Variants in PGD observed in about 807,000 individuals in gnomAD.
The protein encoded by PGD is phosphogluconate dehydrogenase.
Under a neutral mutation model 60.4 loss-of-function variants are expected in PGD, and 21 were observed. The observed-to-expected ratio is 0.35, with a 90% CI of 0.25 to 0.50. The LOEUF (loss-of-function observed/expected upper bound fraction) is 0.50. PGD is among the 20% of genes least tolerant of loss of function. The pLI is 0.98. For synonymous variants in PGD, 230 were observed against 235.9 expected (o/e 0.97, Z 0.23); for missense variants, 477 against 613.1 (o/e 0.78, Z 2.34).
In PGD at chr1:10,417,074, A is replaced by G. The variant is rs761780325; in HGVS notation, c.932A>G (p.Gln311Arg). 2.5e-6 allele frequency: 4 copies of G among 1,613,834 alleles called. No homozygotes were observed. The change falls in exon 9 of 13, where the codon CAG becomes CGG. Residue 311 changes from glutamine to arginine, a missense_variant. Physicochemically the swap from Gln to Arg is conservative, Grantham distance 43. Coordinates refer to ENST00000270776, the MANE Select transcript of PGD (RefSeq NM_002631.4). Reference protein sequence around the residue: ...SKKLKGPQKFQFDGDKKSFLE... With the variant: ...SKKLKGPQKFRFDGDKKSFLE... The stretch of plus-strand genomic sequence containing the variant: ...AAGCTGAAGGGTCCCCAGAAGTTCC[A>G]GTTTGATGGTGATAAGAAATCATTC...
At chr1:10,412,976 A>G (rs1051932988) in intron 7 of PGD, 86 bp from the exon 8 acceptor site, 22 of 1,152,150 alleles carry the variant, frequency 1.9e-5, no homozygotes, top group Non-Finnish European at 2.7e-5. Context: ...AACCGTGAGC[A>G]TTGGTCAGCG....
intron 4 of PGD, 95 bp downstream of exon 4, chr1:10,403,231 G>C (rs1639344548): frequency 4.8e-6 from 4 of 829,670 alleles, no homozygotes; most frequent in Admixed American, 1.9e-5. Flanking sequence ...GAACTGCCCT[G>C]TGGTACTGAT....
In PGD at chr1:10,403,053, GCTGGTGT is replaced by G; in HGVS notation, c.265-12_265-6del. ...TGTTTCATTTTTGGTCCATCTTAATGCTGGTGTCTGGTTACAGGTACCATTGTTGGAT... is the reference window on the plus strand; with the variant it reads ...TGTTTCATTTTTGGTCCATCTTAATGCTGGTTACAGGTACCATTGTTGGAT... On this transcript the variant is annotated splice_polypyrimidine_tract_variant and intron_variant, in intron 3 of 12. Transcript: ENST00000270776. 1 of 1,570,734 alleles carries G rather than the reference GCTGGTGT, an allele frequency of 6.4e-7. No homozygotes were observed. The highest frequency in any genetic ancestry group is 2.2e-5 in the East Asian group (1 of 44,658).
chr1:10,410,898 T>G (rs962410372), intron 6 of PGD, among the ~76,000 whole-genome samples: 2 of 151,910 alleles, frequency 1.3e-5, no homozygotes, highest in Admixed American at 1.3e-4. Flanking sequence ...AGGGACTCCT[T>G]TCTGGGCTTA....
chr1:10,417,229 C>T, intron 9 of PGD, 112 bp downstream of exon 9: 2 of 1,462,058 alleles, frequency 1.4e-6, no homozygotes, highest in South Asian at 1.2e-5. Context: ...GAATGAAGTT[C>T]AGCCTTGACT....
In PGD at chr1:10,419,842, GT is replaced by G; in HGVS notation, c.*95del. ...CACCTGGCCCTTTGCCCTATTTTCTGTTCAGTTTTTTAAAAGTGTTGTAAGA... is the reference window on the plus strand; with the variant it reads ...CACCTGGCCCTTTGCCCTATTTTCTGTCAGTTTTTTAAAAGTGTTGTAAGA... On this transcript the variant is annotated 3_prime_UTR_variant, in exon 13 of 13. Coordinates refer to ENST00000270776, the MANE Select transcript of PGD (RefSeq NM_002631.4). 1 of 1,474,140 alleles carries G rather than the reference GT, an allele frequency of 6.8e-7. No individual in the cohort carries two copies. Among genetic ancestry groups the G allele is most frequent in the Non-Finnish European group, 9.3e-7 (1 of 1,077,520 alleles). 91.3% of individuals were successfully genotyped at this position (1,474,140 alleles called of 1,614,324 possible). A position where few individuals can be genotyped will look rare whatever the true frequency, so the allele number is the denominator to read the frequency against.
At chr1:10,402,907 G>A (rs1237985663) in intron 3 of PGD, among the ~76,000 whole-genome samples, 164 bp from the exon 4 acceptor site, 1 of 152,210 alleles carries the variant, frequency 6.6e-6, no homozygotes, top group African/African-American at 2.4e-5. Flanking sequence ...CACTGCAGGA[G>A]TTCAGGGTTT....
intron 3 of PGD, among the ~76,000 whole-genome samples, chr1:10,401,273 C>T (rs1247288610): frequency 6.6e-6 from 1 of 152,120 alleles, no homozygotes; most frequent in Non-Finnish European, 1.5e-5. Flanking sequence ...TTGTACCAAA[C>T]AATTTGTTGG....
At chr1:10,409,075 T>C (rs1347854448) in intron 6 of PGD, among the ~76,000 whole-genome samples, 1 of 152,250 alleles carries the variant, frequency 6.6e-6, no homozygotes, top group African/African-American at 2.4e-5. Flanking sequence ...AGTTTCCTTA[T>C]CTGTAAGATA....
At chr1:10,417,147 G>T (rs748920354) in intron 9 of PGD, 30 bp downstream of exon 9, 7 of 1,613,040 alleles carry the variant, frequency 4.3e-6, no homozygotes, top group Admixed American at 1.7e-5. Context: ...AGTGGTCTTT[G>T]TTGGTCCTGC....
At chr1:10,409,584 A>G (rs12118323) in intron 6 of PGD, among the ~76,000 whole-genome samples, 50,189 of 150,510 alleles carry the variant, frequency 0.33, 8,490 homozygotes, top group Middle Eastern at 0.38. Context: ...GGTAACAGAG[A>G]GAGACCCTGT....
intron 10 of PGD, among the ~76,000 whole-genome samples, chr1:10,418,469 T>A (rs1452567292): frequency 6.6e-6 from 1 of 152,108 alleles, no homozygotes; most frequent in Non-Finnish European, 1.5e-5. Flanking sequence ...CTTACTTCCC[T>A]GTTAGAGTTA....
In PGD at chr1:10,408,009, A is replaced by G. The variant is rs1455394014; in HGVS notation, c.450-62A>G. On this transcript the variant is annotated intron_variant, in intron 5 of 12. Coordinates refer to ENST00000270776, the MANE Select transcript of PGD (RefSeq NM_002631.4). The stretch of plus-strand genomic sequence containing the variant: ...GGTGTCTATGGGTATGTTGGTGTCT[A>G]TGGGTATGGGCTCTCAGCCCGTCTC... 3.5e-5 allele frequency: 33 copies of G among 955,170 alleles called. No homozygotes were observed. In the Admixed American group the frequency reaches 4.9e-4, roughly 14 times the overall value. The allele number at this position is 955,170 out of a possible 1,614,324, so 59.2% of individuals were successfully genotyped here. A position where few individuals can be genotyped will look rare whatever the true frequency, so the allele number is the denominator to read the frequency against.
At chr1:10,400,241 C>T in intron 2 of PGD, 152 bp from the exon 3 acceptor site, 1 of 604,478 alleles carries the variant, frequency 1.7e-6, no homozygotes. Flanking sequence ...CATAACTTTA[C>T]AGTGAGCCTC....
chr1:10,410,746 C>A (rs1218504913), intron 6 of PGD, among the ~76,000 whole-genome samples: 4 of 152,080 alleles, frequency 2.6e-5, no homozygotes, highest in African/African-American at 9.7e-5. Context: ...CATTTGTAAC[C>A]ACGAAGATCC....
intron 7 of PGD, 153 bp from the exon 8 acceptor site, chr1:10,412,909 A>G (rs1639522216): frequency 4.8e-6 from 3 of 621,388 alleles, no homozygotes; most frequent in Non-Finnish European, 8.5e-6. Flanking sequence ...GGGTTAGCAT[A>G]AAACTCAACC....
chr1:10,411,110 T>C (rs1227731786), intron 6 of PGD, among the ~76,000 whole-genome samples: 1 of 152,012 alleles, frequency 6.6e-6, no homozygotes, highest in Admixed American at 6.6e-5. Context: ...GGGAGTTGCT[T>C]TGAATGATGA....
chr1:10,417,921 A>G (rs1302381446), intron 10 of PGD, among the ~76,000 whole-genome samples: 1 of 152,226 alleles, frequency 6.6e-6, no homozygotes, highest in Non-Finnish European at 1.5e-5. Context: ...CATGTTAGCC[A>G]GGCTGGTCTC....
chr1:10,404,198 T>C lies in PGD; in HGVS notation c.368T>C (p.Phe123Ser), dbSNP rs1639361498. ...CRDLKAKGIL[F>S]VGSGVSGGEE... Reference sequence around the variant, plus strand: ...GACCTCAAGGCCAAGGGAATTTTATTTGTGGGGAGCGGAGTCAGTGGTGGA... The same window carrying C: ...GACCTCAAGGCCAAGGGAATTTTATCTGTGGGGAGCGGAGTCAGTGGTGGA... The change falls in exon 5 of 13, where the codon TTT becomes TCT. Residue 123 changes from phenylalanine to serine, a missense_variant. By Grantham distance (155) the Phe-to-Ser change is radical (BLOSUM62 -2). Around this residue, in one of 3 missense-constraint regions of PGD, gnomAD observed 431 missense variants for 556.6 expected, o/e 0.77. Transcript: ENST00000270776. 1.2e-6 allele frequency: 2 copies of C among 1,613,690 alleles called. No homozygotes were observed. The highest frequency in any genetic ancestry group is 1.7e-6 in the Non-Finnish European group (2 of 1,179,820).
Sources: gnomAD v4.1 joint callset for allele counts (sites outside exome capture counted in the v4.1 genomes callset) on GRCh38, gnomAD v4.1.1 for gene constraint, gnomAD v4.1.1 regional missense constraint, MANE v1.5 for transcripts, NCBI Gene and HGNC (gene_info 2026-07-23, HGNC 2026-07-21) for gene names.